Variants in TRPM6 observed in about 807,000 individuals in gnomAD.
TRPM6 encodes transient receptor potential cation channel subfamily M member 6.
TRPM6 carries 111 observed loss-of-function variants against 247.6 expected under a neutral mutation model. The ratio of observed to expected loss-of-function variants is 0.45; its 90% CI spans 0.38 to 0.52. The LOEUF is 0.52. Among genes scored for constraint, TRPM6 ranks in the 20% least tolerant of loss-of-function variants. TRPM6 has a pLI of 0.00. For synonymous variants in TRPM6, 892 were observed against 853.8 expected, an observed-to-expected ratio of 1.04 and a Z score of -0.78; for missense variants, 2,126 against 2,421.5, an observed-to-expected ratio of 0.88 and a Z score of 2.56.
At chr9:74,760,556 G>A (rs751962151) in intron 27 of TRPM6, among the ~76,000 whole-genome samples, 4 of 152,148 alleles carry the variant, frequency 2.6e-5, no homozygotes, top group Non-Finnish European at 4.4e-5. Context: ...ATGCATGACT[G>A]TACAGAGGGC....
intron 36 of TRPM6, among the ~76,000 whole-genome samples, chr9:74,734,753 T>C (rs1825636479): frequency 6.6e-6 from 1 of 152,166 alleles, no homozygotes; most frequent in Non-Finnish European, 1.5e-5. Context: ...TTATCTCATT[T>C]CCCTAAAGTG....
At position 74,739,703 on chromosome 9, in the gene TRPM6, T is replaced by A. The variant is rs371451310; in HGVS notation, c.5487+20A>T. 1 of 1,609,324 alleles carries A rather than the reference T, an allele frequency of 6.2e-7. No individual in the cohort carries two copies. Among genetic ancestry groups the A allele is most frequent in the East Asian group, 2.2e-5 (1 of 44,880 alleles). On this transcript the variant is annotated intron_variant, in intron 34 of 38. Coordinates refer to ENST00000360774, the MANE Select transcript of TRPM6 (RefSeq NM_017662.5). ...TTGACTTGTCCCTCTGGGCTATGGG[T>A]CTCTGAGTTTCAGACTTACCCTGAG... is the stretch of plus-strand genomic sequence containing the variant.
intron 1 of TRPM6, among the ~76,000 whole-genome samples, chr9:74,870,843 G>A (rs1015917801): frequency 6.6e-6 from 1 of 152,042 alleles, no homozygotes; most frequent in Non-Finnish European, 1.5e-5. Flanking sequence ...AGACTTGCTT[G>A]AATTCGGGAG....
chr9:74,838,210 A>G (rs2118169735), intron 5 of TRPM6, among the ~76,000 whole-genome samples: 1 of 152,348 alleles, frequency 6.6e-6, no homozygotes, highest in East Asian at 1.9e-4. Flanking sequence ...ATGAAGCACG[A>G]CATGCAGTTA....
At chr9:74,838,972 T>C (rs1443339198) in intron 5 of TRPM6, among the ~76,000 whole-genome samples, 1 of 151,966 alleles carries the variant, frequency 6.6e-6, no homozygotes, top group Non-Finnish European at 1.5e-5. Flanking sequence ...TAGCCAGGTG[T>C]GGTGACAGGC....
chr9:74,757,730 T>C (rs2118822869), intron 27 of TRPM6, among the ~76,000 whole-genome samples: 1 of 152,056 alleles, frequency 6.6e-6, no homozygotes, highest in African/African-American at 2.4e-5. Flanking sequence ...CTGGTCAACA[T>C]GGTCAAACTC....
intron 5 of TRPM6, among the ~76,000 whole-genome samples, chr9:74,834,422 T>C (rs1481792879): frequency 6.6e-6 from 1 of 152,070 alleles, no homozygotes; most frequent in Non-Finnish European, 1.5e-5. Flanking sequence ...TGCACTGTCC[T>C]TCCTCAGCAA....
intron 17 of TRPM6, 151 bp from the exon 18 acceptor site, chr9:74,797,044 G>C (rs1828123638): frequency 1.4e-6 from 1 of 727,670 alleles, no homozygotes; most frequent in South Asian, 1.6e-5. Context: ...TTTTGACTCG[G>C]CAACTTCAGT....
Position 74,792,766 on chromosome 9 carries a change from T to A in TRPM6, c.2396A>T (p.Glu799Val), listed in dbSNP as rs954181526. ...ATCATGGCCCCTTTCCAAATCATAC[T>A]CTTTCTATAAAATAAACAAATAATC... ...SSSKESASVK[E>V]YDLERGHDEK... Residue 799 changes from glutamate (E) to valine (V), a missense_variant, in exon 19 of 39, where the codon GAG (glutamate) becomes GTG (valine). Coordinates refer to ENST00000360774, the MANE Select transcript of TRPM6 (RefSeq NM_017662.5). 1 of 1,613,604 alleles carries A rather than the reference T, an allele frequency of 6.2e-7. No homozygotes were observed. Among genetic ancestry groups the A allele is most frequent in the Non-Finnish European group, 8.5e-7 (1 of 1,179,512 alleles).
At chr9:74,850,230 A>T (rs1409922315) in intron 3 of TRPM6, among the ~76,000 whole-genome samples, 1 of 150,436 alleles carries the variant, frequency 6.6e-6, no homozygotes, top group Non-Finnish European at 1.5e-5. Flanking sequence ...AAATCAGCTG[A>T]GCGTGGTGGC....
intron 1 of TRPM6, among the ~76,000 whole-genome samples, chr9:74,860,589 A>G (rs1019437414): frequency 6.6e-6 from 1 of 152,146 alleles, no homozygotes; most frequent in African/African-American, 2.4e-5. Flanking sequence ...AAACTCCTGA[A>G]CTCAAGTTGT....
intron 1 of TRPM6, among the ~76,000 whole-genome samples, chr9:74,869,360 C>G (rs553322795): frequency 9.2e-5 from 14 of 151,424 alleles, no homozygotes; most frequent in South Asian, 4.2e-4. Context: ...GTCCCAGCTA[C>G]TCGGGAAGCT....
In TRPM6 at chr9:74,725,876, G is replaced by C. The variant is rs7038045; in HGVS notation, c.5936-1130C>G. On this transcript the variant is annotated intron_variant, in intron 38 of 38. Transcript: ENST00000360774. ...ATCTTCACACAAACTTTATGAAACA[G>C]GTGCTATTATGCCTGGTTTACAGAC... Among the ~76,000 whole-genome samples, 97 of 152,248 alleles carry C rather than the reference G, an allele frequency of 6.4e-4. 2 individuals carry two copies. Among genetic ancestry groups the C allele is most frequent in the African/African-American group, 2.2e-3 (92 of 41,538 alleles).
At chr9:74,775,622 A>G (rs888398425) in intron 24 of TRPM6, among the ~76,000 whole-genome samples, 3 of 152,192 alleles carry the variant, frequency 2.0e-5, no homozygotes, top group African/African-American at 2.4e-5. Context: ...TCCATGTGAC[A>G]TAAAGCCTTT....
chr9:74,858,953 C>T (rs1254803707), intron 1 of TRPM6, among the ~76,000 whole-genome samples: 1 of 152,154 alleles, frequency 6.6e-6, no homozygotes, highest in African/African-American at 2.4e-5. Flanking sequence ...AAACGACACG[C>T]AAAGTGAATA....
chr9:74,876,834 G>A (rs1381082433), intron 1 of TRPM6, among the ~76,000 whole-genome samples: 1 of 152,200 alleles, frequency 6.6e-6, no homozygotes, highest in East Asian at 1.9e-4. Context: ...CAGATACTGG[G>A]AGGGTCATGA....
intron 1 of TRPM6, among the ~76,000 whole-genome samples, chr9:74,876,633 A>G (rs568964555): frequency 1.3e-5 from 2 of 152,330 alleles, no homozygotes; most frequent in South Asian, 4.1e-4. Context: ...TCACTTTACT[A>G]TCGCTTACCC....
intron 13 of TRPM6, 78 bp from the exon 14 acceptor site, chr9:74,808,252 T>C: frequency 6.4e-7 from 1 of 1,568,208 alleles, no homozygotes; most frequent in Non-Finnish European, 8.8e-7. Context: ...TAGAACATAA[T>C]CAAATTAATT....
intron 7 of TRPM6, among the ~76,000 whole-genome samples, chr9:74,823,452 T>C (rs1189320052): frequency 1.3e-5 from 2 of 152,218 alleles, no homozygotes; most frequent in East Asian, 1.9e-4. Context: ...TGGTCTTCCA[T>C]GTGTATCCTG....
Sources: gnomAD v4.1 joint callset for allele counts (sites outside exome capture counted in the v4.1 genomes callset) on GRCh38, gnomAD v4.1.1 for gene constraint, MANE v1.5 for transcripts, NCBI Gene and HGNC (gene_info 2026-07-23, HGNC 2026-07-21) for gene names.